The following DPF3 variants were observed in gnomAD, a reference collection of about 807,000 sequenced individuals.
The protein encoded by DPF3 is zinc finger protein DPF3.
Under a neutral mutation model 56.8 loss-of-function variants are expected in DPF3, and 18 were observed. That is an observed-to-expected ratio of 0.32 (90% CI 0.22 to 0.47). The LOEUF (loss-of-function observed/expected upper bound fraction) is 0.47, where lower values mean the gene tolerates loss of function less well. Ranked by LOEUF, DPF3 falls within the 20% of genes least tolerant of loss-of-function variation. The pLI, the probability that DPF3 is intolerant of heterozygous loss-of-function variation, is 1.00. For missense variants in DPF3, 403 were observed against 488.8 expected, an observed-to-expected ratio of 0.82 and a Z score of 1.65; for synonymous variants, 188 against 180.2, an observed-to-expected ratio of 1.04 and a Z score of -0.35.
At chr14:72,839,164 A>C (rs1884446762) in intron 1 of DPF3, among the ~76,000 whole-genome samples, 1 of 151,628 alleles carries the variant, frequency 6.6e-6, no homozygotes, top group Non-Finnish European at 1.5e-5. Flanking sequence ...CAAGTGATCC[A>C]TCTGCCTCAG....
rs551729801 is a variant in DPF3, at chr14:72,885,042, C to T, written c.32+9015G>A. ...GCTGAGCCCGGGGAATGGGGAATGG[C>T]GTGAACCCGGGAGGTGGAGCTTGCA... is the stretch of plus-strand genomic sequence containing the variant. On this transcript the variant is annotated intron_variant, in intron 1 of 10. Coordinates refer to ENST00000556509, the MANE Select transcript of DPF3 (RefSeq NM_001280542.3). 2.2e-5 allele frequency among the ~76,000 whole-genome samples: 3 copies of T among 137,264 alleles called. No homozygotes were observed. The Admixed American group carries it at 2.3e-4, about 11-fold the overall frequency. 90.1% of individuals were successfully genotyped at this position (137,264 alleles called of 152,430 possible). A position where few individuals can be genotyped will look rare whatever the true frequency, so the allele number is the denominator to read the frequency against.
intron 1 of DPF3, among the ~76,000 whole-genome samples, chr14:72,831,609 T>C (rs1469244622): frequency 6.6e-6 from 1 of 152,168 alleles, no homozygotes; most frequent in Admixed American, 6.5e-5. Context: ...GGAAGGAACT[T>C]GTTCAGGATC....
At chr14:72,690,628 CAT>C (rs1599360330) in intron 7 of DPF3, among the ~76,000 whole-genome samples, 1 of 151,670 alleles carries the variant, frequency 6.6e-6, no homozygotes, top group Admixed American at 6.6e-5. Flanking sequence ...CACACACACA[CAT>C]ACACGCACAC....
rs1375756089 is a variant in DPF3, at chr14:72,612,461, T to C, written c.*6836A>G. 1 of 518,738 alleles carries C rather than the reference T, an allele frequency of 1.9e-6. No homozygotes were observed. The highest frequency in any genetic ancestry group is 3.8e-6 in the Non-Finnish European group (1 of 259,812). 32.1% of individuals were successfully genotyped at this position (518,738 alleles called of 1,614,324 possible). A position where few individuals can be genotyped will look rare whatever the true frequency, so the allele number is the denominator to read the frequency against. ...TTTTTTCTAGTACCTAATTTAGGCT[T>C]CTTCAACTACATGTTGAAAATGTGC... On this transcript the variant is annotated 3_prime_UTR_variant, in exon 11 of 11. Transcript: ENST00000556509.
chr14:72,860,829 G>C (rs1465392827), intron 1 of DPF3, among the ~76,000 whole-genome samples: 1 of 152,056 alleles, frequency 6.6e-6, no homozygotes, highest in East Asian at 1.9e-4. Context: ...GCCTCCCAAA[G>C]TGCTGGGATT....
intron 1 of DPF3, among the ~76,000 whole-genome samples, chr14:72,782,851 G>T (rs1892041601): frequency 6.6e-6 from 1 of 151,442 alleles, no homozygotes; most frequent in Non-Finnish European, 1.5e-5. Context: ...AAAAAAAGTG[G>T]AAATCAGGCC....
intron 8 of DPF3, among the ~76,000 whole-genome samples, chr14:72,656,080 C>T (rs539812416): frequency 1.3e-5 from 2 of 152,314 alleles, no homozygotes; most frequent in East Asian, 1.9e-4. Context: ...CAGTGATACA[C>T]ATAACAACAG....
At chr14:72,830,433 G>C (rs1256076271) in intron 1 of DPF3, among the ~76,000 whole-genome samples, 1 of 152,208 alleles carries the variant, frequency 6.6e-6, no homozygotes, top group Non-Finnish European at 1.5e-5. Context: ...TTGGGAACAA[G>C]AGACTCAGAG....
chr14:72,801,518 T>C (rs534965759), intron 1 of DPF3, among the ~76,000 whole-genome samples: 1 of 152,264 alleles, frequency 6.6e-6, no homozygotes, highest in Admixed American at 6.5e-5. Context: ...ATGCTCACAG[T>C]TCAGGCAATT....
chr14:72,893,629 G>A (rs1429595726), intron 1 of DPF3, among the ~76,000 whole-genome samples: 2 of 151,658 alleles, frequency 1.3e-5, no homozygotes, highest in African/African-American at 2.4e-5. Flanking sequence ...CGCGGGGCTC[G>A]GCCAAGTACA....
intron 1 of DPF3, among the ~76,000 whole-genome samples, chr14:72,804,180 GACACACACACACACACACAC>G (rs545355128): frequency 3.8e-5 from 5 of 133,172 alleles, no homozygotes; most frequent in Admixed American, 7.5e-5. Context: ...TGCTTTCCAG[GACACACACACACACACACAC>G]ACACACACAC....
intron 7 of DPF3, among the ~76,000 whole-genome samples, chr14:72,692,422 A>T (rs1887729827): frequency 6.6e-6 from 1 of 152,248 alleles, no homozygotes; most frequent in African/African-American, 2.4e-5. Flanking sequence ...CCTAATTCAT[A>T]ATTGGAAGTT....
At chr14:72,802,525 C>T (rs890482496) in intron 1 of DPF3, among the ~76,000 whole-genome samples, 2 of 152,064 alleles carry the variant, frequency 1.3e-5, no homozygotes, top group African/African-American at 4.8e-5. Flanking sequence ...GGAGTGGGAG[C>T]AAAGCTTCTG....
intron 1 of DPF3, among the ~76,000 whole-genome samples, chr14:72,803,899 T>C (rs755255748): frequency 2.0e-5 from 3 of 151,454 alleles, no homozygotes; most frequent in Non-Finnish European, 2.9e-5. Context: ...TGTGAGGTCA[T>C]TGGCAATGTG....
At chr14:72,647,939 C>T (rs749747232) in intron 8 of DPF3, among the ~76,000 whole-genome samples, 14 of 152,170 alleles carry the variant, frequency 9.2e-5, no homozygotes, top group Admixed American at 2.0e-4. Context: ...ACCATATCTC[C>T]TCTCACGTCG....
At chr14:72,776,873 G>C (rs1250700796) in intron 1 of DPF3, among the ~76,000 whole-genome samples, 1 of 151,736 alleles carries the variant, frequency 6.6e-6, no homozygotes, top group Non-Finnish European at 1.5e-5. Context: ...GGCGGGGGTG[G>C]GGGTGGGGGC....
rs1883830535 is a variant in DPF3 at position 72,612,925 on chromosome 14, G to C, written c.*6372C>G. On this transcript the variant is annotated 3_prime_UTR_variant, in exon 11 of 11. Coordinates refer to ENST00000556509, the MANE Select transcript of DPF3 (RefSeq NM_001280542.3). ...ACTTCAGGAAAGATGCACCTTGCCT[G>C]GCAGCCCCTGGCTCTCCCTCTTGTC... is the stretch of plus-strand genomic sequence containing the variant. 6.6e-6 allele frequency among the ~76,000 whole-genome samples: 1 copy of C among 152,054 alleles called. No individual in the cohort carries two copies. Among genetic ancestry groups the C allele is most frequent in the African/African-American group, 2.4e-5 (1 of 41,404 alleles).
chr14:72,684,169 C>T (rs1403899365), intron 7 of DPF3, among the ~76,000 whole-genome samples: 7 of 152,182 alleles, frequency 4.6e-5, no homozygotes, highest in African/African-American at 1.7e-4. Flanking sequence ...ACCTCAGCCT[C>T]CCGAGTAGCT....
At chr14:72,653,391 C>T (rs144164833) in intron 8 of DPF3, among the ~76,000 whole-genome samples, 1 of 152,356 alleles carries the variant, frequency 6.6e-6, no homozygotes, top group East Asian at 1.9e-4. Context: ...CTCTTTCGGC[C>T]TCAGGGGCCA....
Sources: gnomAD v4.1 joint callset for allele counts (sites outside exome capture counted in the v4.1 genomes callset) on GRCh38, gnomAD v4.1.1 for gene constraint, MANE v1.5 for transcripts, NCBI Gene and HGNC (gene_info 2026-07-23, HGNC 2026-07-21) for gene names.